Variants in ELL2 observed in about 807,000 individuals in gnomAD.
ELL2 encodes the protein RNA polymerase II elongation factor ELL2.
In ELL2, 21 loss-of-function variants were observed where a neutral mutation model predicts 72.8. That is an observed-to-expected ratio of 0.29 (90% CI 0.20 to 0.42). ELL2 has a LOEUF of 0.42. ELL2 is among the 10% of genes least tolerant of loss of function. The pLI, the probability that ELL2 is intolerant of heterozygous loss-of-function variation, is 1.00. For synonymous variants in ELL2, 266 were observed against 283.2 expected (o/e 0.94, Z 0.61); for missense variants, 568 against 772.8 (o/e 0.73, Z 3.14).
intron 1 of ELL2, among the ~76,000 whole-genome samples, chr5:95,953,725 A>G (rs553397694): frequency 4.2e-4 from 64 of 152,384 alleles, no homozygotes; most frequent in African/African-American, 1.5e-3. Context: ...AAATAAAGGA[A>G]TCAAAACACC....
At chr5:95,903,236 C>T (rs1749212495) in intron 5 of ELL2, among the ~76,000 whole-genome samples, 1 of 61,032 alleles carries the variant, frequency 1.6e-5, no homozygotes. Flanking sequence ...TTTTTTTTTC[C>T]GAGACAGAGT....
rs1462385909 is a variant in ELL2 at position 95,887,163 on chromosome 5, A to G, written c.*1708T>C. The stretch of plus-strand genomic sequence containing the variant: ...GAATTCCTTAGGAGGTCCATGCTAC[A>G]TAGAACCAAAATTTCTGCGGTAATG... On this transcript the variant is annotated 3_prime_UTR_variant, in exon 12 of 12. Coordinates refer to ENST00000237853, the MANE Select transcript of ELL2 (RefSeq NM_012081.6). The G allele has an allele frequency of 6.6e-6, 1 of 152,218 alleles. No homozygotes were observed. Among genetic ancestry groups the G allele is most frequent in the Admixed American group, 6.5e-5 (1 of 15,274 alleles). The allele number at this position is 152,218 out of a possible 1,614,324, so 9.4% of individuals were successfully genotyped here. A position where few individuals can be genotyped will look rare whatever the true frequency, so the allele number is the denominator to read the frequency against.
At chr5:95,919,590 G>C in intron 2 of ELL2, 45 bp from the exon 3 acceptor site, 2 of 1,524,586 alleles carry the variant, frequency 1.3e-6, no homozygotes, top group African/African-American at 1.4e-5. Context: ...TTATAAATTT[G>C]CCATAGAAAA....
chr5:95,945,739 G>GA (rs1384270732), intron 1 of ELL2, among the ~76,000 whole-genome samples: 5 of 152,076 alleles, frequency 3.3e-5, no homozygotes, highest in Admixed American at 2.6e-4. Flanking sequence ...ATACCCTGAG[G>GA]AAAAAAGCAA....
At chr5:95,899,473 A>G (rs1749045030) in intron 7 of ELL2, among the ~76,000 whole-genome samples, 1 of 151,824 alleles carries the variant, frequency 6.6e-6, no homozygotes, top group Non-Finnish European at 1.5e-5. Flanking sequence ...TTACCGTTAC[A>G]TATCTCTTTA....
chr5:95,933,341 A>G (rs1287915423), intron 2 of ELL2, among the ~76,000 whole-genome samples: 1 of 152,218 alleles, frequency 6.6e-6, no homozygotes, highest in Non-Finnish European at 1.5e-5. Flanking sequence ...ATGCACACGG[A>G]TTTTAATCAT....
chr5:95,926,654 T>G (rs1337683942), intron 2 of ELL2, among the ~76,000 whole-genome samples: 1 of 152,210 alleles, frequency 6.6e-6, no homozygotes, highest in African/African-American at 2.4e-5. Flanking sequence ...TTTCTAGTTC[T>G]GGATTAAAGA....
chr5:95,953,137 C>T (rs1191354311), intron 1 of ELL2, among the ~76,000 whole-genome samples: 1 of 152,162 alleles, frequency 6.6e-6, no homozygotes, highest in Non-Finnish European at 1.5e-5. Flanking sequence ...TGAACACAGA[C>T]TTTATAGTGT....
chr5:95,952,162 A>G (rs1751435227), intron 1 of ELL2, among the ~76,000 whole-genome samples: 1 of 152,194 alleles, frequency 6.6e-6, no homozygotes, highest in South Asian at 2.1e-4. Context: ...AGCAACATAG[A>G]TGGAGCTGGA....
At chr5:95,926,257 C>T (rs544629933) in intron 2 of ELL2, among the ~76,000 whole-genome samples, 1 of 151,694 alleles carries the variant, frequency 6.6e-6, no homozygotes, top group Non-Finnish European at 1.5e-5. Flanking sequence ...GGAGGGTAGC[C>T]TTCACTGGCA....
At chr5:95,943,313 CATA>C (rs940405602) in intron 1 of ELL2, among the ~76,000 whole-genome samples, 3 of 151,494 alleles carry the variant, frequency 2.0e-5, no homozygotes, top group Admixed American at 2.0e-4. Flanking sequence ...TGGTCAGTGT[CATA>C]ATGTGTGAAA....
At chr5:95,911,628 G>A (rs1411719141) in intron 4 of ELL2, among the ~76,000 whole-genome samples, 2 of 152,220 alleles carry the variant, frequency 1.3e-5, no homozygotes, top group Admixed American at 1.3e-4. Flanking sequence ...TTACAGGCGT[G>A]AGCCATCGCA....
At chr5:95,958,257 A>G (rs1751691182) in intron 1 of ELL2, among the ~76,000 whole-genome samples, 1 of 152,228 alleles carries the variant, frequency 6.6e-6, no homozygotes, top group South Asian at 2.1e-4. Flanking sequence ...CCCAAACAGC[A>G]GCTTCAATTT....
chr5:95,900,546 G>C (rs1749094393), intron 7 of ELL2, 147 bp downstream of exon 7: 1 of 534,436 alleles, frequency 1.9e-6, no homozygotes, highest in Non-Finnish European at 3.2e-6. Context: ...CTAAATTCTA[G>C]GCTAAGCTCA....
intron 1 of ELL2, among the ~76,000 whole-genome samples, chr5:95,959,697 G>A (rs1751742968): frequency 6.6e-6 from 1 of 152,082 alleles, no homozygotes; most frequent in East Asian, 1.9e-4. Context: ...AGATTTCACT[G>A]TATGTAGGAC....
intron 2 of ELL2, among the ~76,000 whole-genome samples, chr5:95,930,835 T>C (rs1234892324): frequency 6.6e-6 from 1 of 152,174 alleles, no homozygotes; most frequent in Non-Finnish European, 1.5e-5. Flanking sequence ...ATCATTTTAA[T>C]TAATTAAATT....
At chr5:95,915,591 A>G (rs1355756040) in intron 3 of ELL2, among the ~76,000 whole-genome samples, 1 of 152,112 alleles carries the variant, frequency 6.6e-6, no homozygotes, top group Non-Finnish European at 1.5e-5. Context: ...CTAATGGGTG[A>G]CAAGGATGGA....
At chr5:95,889,057 G>T in intron 11 of ELL2, 29 bp downstream of exon 11, 1 of 1,601,174 alleles carries the variant, frequency 6.2e-7, no homozygotes, top group Non-Finnish European at 8.5e-7. Context: ...TCAACCACAG[G>T]TCAGAAAATC....
At chr5:95,919,690 C>T (rs1329765908) in intron 2 of ELL2, 145 bp from the exon 3 acceptor site, 1 of 926,364 alleles carries the variant, frequency 1.1e-6, no homozygotes, top group Non-Finnish European at 1.5e-6. Context: ...ATTTAAATGA[C>T]CAAACAATTC....
Sources: allele counts gnomAD v4.1 joint callset (sites outside exome capture counted in the v4.1 genomes callset), GRCh38; gene constraint gnomAD v4.1.1; transcripts MANE v1.5; gene names NCBI Gene and HGNC (gene_info 2026-07-23, HGNC 2026-07-21).